Variants in CNTNAP2 observed in about 807,000 individuals in gnomAD.
CNTNAP2 encodes contactin associated protein 2, also known as contactin-associated protein-like 2.
CNTNAP2 carries 98 observed loss-of-function variants against 155.2 expected under a neutral mutation model. The ratio of observed to expected loss-of-function variants is 0.63; its 90% CI spans 0.54 to 0.75. The LOEUF (loss-of-function observed/expected upper bound fraction) is 0.75. Ranked by LOEUF, CNTNAP2 falls within the 30% of genes least tolerant of loss-of-function variation. The pLI is 0.00. For synonymous variants in CNTNAP2, 651 were observed against 631.2 expected (o/e 1.03, Z -0.47); for missense variants, 1,727 against 1,688.1 (o/e 1.02, Z -0.40).
chr7:146,353,241 C>T (rs1194942773), intron 1 of CNTNAP2, among the ~76,000 whole-genome samples: 1 of 152,204 alleles, frequency 6.6e-6, no homozygotes, highest in Non-Finnish European at 1.5e-5. Context: ...CACTGAGTCT[C>T]ATGCTTAGTC....
rs1267786757 is a variant in CNTNAP2, at chr7:148,270,703, A to G, written c.3475+3577A>G. Among the ~76,000 whole-genome samples, 5 of 152,362 alleles carry G rather than the reference A, an allele frequency of 3.3e-5. No homozygotes were observed. The East Asian group carries it at 7.7e-4, about 23-fold the overall frequency. On this transcript the variant is annotated intron_variant, in intron 21 of 23. Coordinates refer to ENST00000361727, the MANE Select transcript of CNTNAP2 (RefSeq NM_014141.6). ...TCAGTAAGATTCGCACAGAGGTGAGAGCTGCAATCCTCACATATCTCACAG... is the reference window on the plus strand; with the variant it reads ...TCAGTAAGATTCGCACAGAGGTGAGGGCTGCAATCCTCACATATCTCACAG...
intron 21 of CNTNAP2, among the ~76,000 whole-genome samples, chr7:148,368,595 A>G (rs188475975): frequency 6.6e-6 from 1 of 152,352 alleles, no homozygotes; most frequent in East Asian, 1.9e-4. Flanking sequence ...TAGCAGGACG[A>G]ATTGCAGACA....
At position 147,121,098 on chromosome 7, in the gene CNTNAP2, C is replaced by G. The variant is rs1263608866; in HGVS notation, c.874C>G (p.Leu292Val). The G allele has an allele frequency of 6.2e-7, 1 of 1,614,170 alleles. No individual in the cohort carries two copies. The highest frequency in any genetic ancestry group is 2.2e-5 in the East Asian group (1 of 44,870). Residue 292 changes from leucine to valine, a missense_variant, in exon 6 of 24, where the codon CTG becomes GTG. Leu to Val is a conservative substitution (Grantham distance 32, BLOSUM62 1). Transcript: ENST00000361727. ...CCAGGGGCGGAGCATTAACCTCACT[C>G]TGGACAGGAGCATGCAGCACTTCCG... is the stretch of plus-strand genomic sequence containing the variant. Reference protein sequence around the residue: ...ERQGRSINLTLDRSMQHFRTN... With the variant: ...ERQGRSINLTVDRSMQHFRTN...
At chr7:146,304,713 T>C (rs555994132) in intron 1 of CNTNAP2, among the ~76,000 whole-genome samples, 2 of 152,272 alleles carry the variant, frequency 1.3e-5, no homozygotes, top group African/African-American at 4.8e-5. Flanking sequence ...TTTTTTTCCT[T>C]CATTTCAACT....
chr7:146,834,263 A>C (rs985432687), intron 2 of CNTNAP2, among the ~76,000 whole-genome samples: 1 of 152,328 alleles, frequency 6.6e-6, no homozygotes, highest in Non-Finnish European at 1.5e-5. Context: ...TGAATTACAA[A>C]TTACAAAGCA....
At chr7:147,878,328 C>A (rs537839960) in intron 13 of CNTNAP2, among the ~76,000 whole-genome samples, 1 of 151,978 alleles carries the variant, frequency 6.6e-6, no homozygotes, top group African/African-American at 2.4e-5. Context: ...AGGACAATGT[C>A]AAATTAATTC....
At chr7:146,534,509 T>C (rs2129139758) in intron 1 of CNTNAP2, among the ~76,000 whole-genome samples, 1 of 152,200 alleles carries the variant, frequency 6.6e-6, no homozygotes, top group African/African-American at 2.4e-5. Context: ...TGTAGAAATA[T>C]GTCTGACCCA....
At chr7:148,042,901 A>G (rs572349409) in intron 15 of CNTNAP2, among the ~76,000 whole-genome samples, 25 of 152,358 alleles carry the variant, frequency 1.6e-4, no homozygotes, top group African/African-American at 6.0e-4. Flanking sequence ...AACAGTCTCA[A>G]AAATGTTGTG....
At chr7:148,261,585 C>A (rs1796562525) in intron 20 of CNTNAP2, among the ~76,000 whole-genome samples, 1 of 152,202 alleles carries the variant, frequency 6.6e-6, no homozygotes, top group Non-Finnish European at 1.5e-5. Context: ...TGGCAGAGAG[C>A]AGAGACCCCT....
At chr7:146,161,694 G>T (rs562251650) in intron 1 of CNTNAP2, among the ~76,000 whole-genome samples, 1 of 152,114 alleles carries the variant, frequency 6.6e-6, no homozygotes, top group African/African-American at 2.4e-5. Context: ...AAAAGAGCCC[G>T]CATTGCCAAG....
At chr7:147,444,169 G>A (rs190779146) in intron 10 of CNTNAP2, among the ~76,000 whole-genome samples, 72 of 152,218 alleles carry the variant, frequency 4.7e-4, no homozygotes, top group Non-Finnish European at 8.5e-4. Flanking sequence ...CCTTTAAGGG[G>A]CAAAATTGCT....
chr7:146,750,363 C>T (rs1015390558), intron 1 of CNTNAP2, among the ~76,000 whole-genome samples: 2 of 152,120 alleles, frequency 1.3e-5, no homozygotes, highest in South Asian at 2.1e-4. Context: ...TCTGTATGCT[C>T]AGCTACTCGT....
chr7:147,434,260 T>G (rs73475129), intron 10 of CNTNAP2, among the ~76,000 whole-genome samples: 4,480 of 152,316 alleles, frequency 0.029, 230 homozygotes, highest in African/African-American at 0.1. Flanking sequence ...ATAATTATGT[T>G]GATTTCTATT....
intron 1 of CNTNAP2, among the ~76,000 whole-genome samples, chr7:146,214,568 A>AT (rs1799085247): frequency 6.6e-6 from 1 of 152,178 alleles, no homozygotes; most frequent in Non-Finnish European, 1.5e-5. Flanking sequence ...TAATATTCAA[A>AT]TTGTGAAATA....
At chr7:147,856,697 A>G (rs1799046312) in intron 13 of CNTNAP2, among the ~76,000 whole-genome samples, 1 of 152,020 alleles carries the variant, frequency 6.6e-6, no homozygotes, top group Non-Finnish European at 1.5e-5. Flanking sequence ...AAAGTTTGGA[A>G]TTTAATTTCT....
chr7:147,200,917 T>C (rs1802909167), intron 8 of CNTNAP2, among the ~76,000 whole-genome samples: 1 of 152,204 alleles, frequency 6.6e-6, no homozygotes, highest in Non-Finnish European at 1.5e-5. Flanking sequence ...AAAAAATGCA[T>C]GGTTGAGATG....
At chr7:147,611,058 C>T (rs928204409) in intron 12 of CNTNAP2, among the ~76,000 whole-genome samples, 3 of 151,684 alleles carry the variant, frequency 2.0e-5, no homozygotes, top group African/African-American at 7.3e-5. Flanking sequence ...ATATTTGAAC[C>T]ACAGTTAGGT....
intron 8 of CNTNAP2, among the ~76,000 whole-genome samples, chr7:147,137,016 A>G (rs555144777): frequency 1.8e-4 from 27 of 152,018 alleles, no homozygotes; most frequent in African/African-American, 6.3e-4. Context: ...AGTTTAAACC[A>G]TATTTATTAG....
intron 1 of CNTNAP2, among the ~76,000 whole-genome samples, chr7:146,481,669 G>A (rs1193918939): frequency 2.0e-5 from 3 of 152,128 alleles, no homozygotes; most frequent in East Asian, 1.9e-4. Context: ...ACTGTCGCTC[G>A]GAGTAGCAGA....
Sources: gnomAD v4.1 joint callset for allele counts (sites outside exome capture counted in the v4.1 genomes callset) on GRCh38, gnomAD v4.1.1 for gene constraint, MANE v1.5 for transcripts, NCBI Gene and HGNC (gene_info 2026-07-23, HGNC 2026-07-21) for gene names.